The following SCAI variants were observed in gnomAD, a reference collection of about 807,000 sequenced individuals.
The protein encoded by SCAI is protein SCAI.
SCAI carries 24 observed loss-of-function variants against 92.2 expected under a neutral mutation model. That is an observed-to-expected ratio of 0.26 (90% CI 0.19 to 0.37). The LOEUF is 0.37. Among genes scored for constraint, SCAI ranks in the 10% least tolerant of loss-of-function variants. SCAI has a pLI of 1.00. For synonymous variants in SCAI, 261 were observed against 258.6 expected (o/e 1.01, Z -0.09); for missense variants, 450 against 736.2 (o/e 0.61, Z 4.50).
At chr9:124,987,412 G>A (rs1790966508) in intron 14 of SCAI, among the ~76,000 whole-genome samples, 1 of 152,042 alleles carries the variant, frequency 6.6e-6, no homozygotes, top group Non-Finnish European at 1.5e-5. Context: ...TGCCCCTACT[G>A]GCAATCTAAG....
chr9:125,098,777 G>A (rs1011328404), intron 2 of SCAI, among the ~76,000 whole-genome samples: 3 of 152,196 alleles, frequency 2.0e-5, no homozygotes, highest in East Asian at 1.9e-4. Flanking sequence ...CAGTCTGTCT[G>A]AGGTAACAGC....
In SCAI at chr9:124,952,593, A is replaced by C; in HGVS notation, c.*214T>G. On this transcript the variant is annotated 3_prime_UTR_variant, in exon 18 of 18. Coordinates refer to ENST00000336505, the MANE Select transcript of SCAI (RefSeq NM_001144877.3). Reference sequence around the variant, plus strand: ...CATCCCTCAAAATCAAAAAATAAAAATTCCAAGGTTAAGATTTTAAAAGAC... The same window carrying C: ...CATCCCTCAAAATCAAAAAATAAAACTTCCAAGGTTAAGATTTTAAAAGAC... The C allele has an allele frequency of 2.3e-6, 1 of 433,366 alleles. No individual in the cohort carries two copies. The highest frequency in any genetic ancestry group is 4.7e-5 in the South Asian group (1 of 21,218). 26.8% of individuals were successfully genotyped at this position (433,366 alleles called of 1,614,324 possible).
chr9:125,032,955 G>T (rs1404062955), intron 3 of SCAI, among the ~76,000 whole-genome samples: 2 of 152,056 alleles, frequency 1.3e-5, no homozygotes, highest in East Asian at 3.9e-4. Flanking sequence ...AATTATGAAG[G>T]CCATATAAAG....
chr9:125,057,989 C>T (rs937122345), intron 2 of SCAI, among the ~76,000 whole-genome samples: 1 of 151,966 alleles, frequency 6.6e-6, no homozygotes, highest in Non-Finnish European at 1.5e-5. Flanking sequence ...ACCTCAGATA[C>T]TCAGGAGGCT....
chr9:125,086,738 C>T (rs1039283521), intron 2 of SCAI, among the ~76,000 whole-genome samples: 36 of 152,148 alleles, frequency 2.4e-4, no homozygotes, highest in Non-Finnish European at 4.4e-5. Flanking sequence ...TGGGTAAGAG[C>T]ACTGGTGTCA....
chr9:125,119,189 A>C (rs1273330734), intron 2 of SCAI, among the ~76,000 whole-genome samples: 1 of 152,174 alleles, frequency 6.6e-6, no homozygotes, highest in Non-Finnish European at 1.5e-5. Context: ...TGAACAGCCA[A>C]TATTTTGTGG....
At chr9:125,054,406 T>A (rs546814314) in intron 3 of SCAI, among the ~76,000 whole-genome samples, 1 of 152,300 alleles carries the variant, frequency 6.6e-6, no homozygotes, top group Admixed American at 6.5e-5. Context: ...TTTGTTTTTT[T>A]ATAATTTCCT....
intron 2 of SCAI, among the ~76,000 whole-genome samples, chr9:125,131,724 T>C (rs1588251348): frequency 1.3e-5 from 2 of 152,208 alleles, no homozygotes; most frequent in East Asian, 3.8e-4. Context: ...TCACTGACCA[T>C]GCTACAAGAA....
chr9:124,974,053 G>T (rs1042148025), intron 15 of SCAI: 1 of 251,466 alleles, frequency 4.0e-6, no homozygotes, highest in African/African-American at 2.3e-5. Flanking sequence ...GCATCCTCTT[G>T]TGAATCACTT....
rs759209143 is a variant in SCAI, at chr9:125,131,767, C to T, written c.98+10866G>A. On this transcript the variant is annotated intron_variant, in intron 2 of 17. Transcript: ENST00000336505. Reference sequence around the variant, plus strand: ...TACCAAAACCACTGCATTTGCTGTACGGATGTTGCTGAGGCAAACCTACCA... The same window carrying T: ...TACCAAAACCACTGCATTTGCTGTATGGATGTTGCTGAGGCAAACCTACCA... Among the ~76,000 whole-genome samples the T allele has an allele frequency of 3.3e-5, 5 of 152,266 alleles. 1 individual carries two copies. Among genetic ancestry groups the T allele is most frequent in the South Asian group, 2.1e-4 (1 of 4,820 alleles).
At chr9:125,082,922 G>A (rs1451360879) in intron 2 of SCAI, among the ~76,000 whole-genome samples, 1 of 152,206 alleles carries the variant, frequency 6.6e-6, no homozygotes, top group African/African-American at 2.4e-5. Flanking sequence ...TTGGACTTTT[G>A]AGTTAATGCT....
At chr9:124,975,596 A>G (rs1481644305) in intron 15 of SCAI, among the ~76,000 whole-genome samples, 1 of 152,232 alleles carries the variant, frequency 6.6e-6, no homozygotes, top group Non-Finnish European at 1.5e-5. Context: ...TCTCTGGCAG[A>G]CTTAGAAGAG....
rs944276995 is a variant in SCAI at position 124,947,591 on chromosome 9, C to T, written c.*5216G>A. On this transcript the variant is annotated 3_prime_UTR_variant, in exon 18 of 18. Transcript: ENST00000336505. ...ATTCAGCCCACAATGGGTATGGGTACATAATATACACATACTGTATCACTG... is the reference window on the plus strand; with the variant it reads ...ATTCAGCCCACAATGGGTATGGGTATATAATATACACATACTGTATCACTG... 6.6e-6 allele frequency: 1 copy of T among 152,056 alleles called. No individual in the cohort carries two copies. Among genetic ancestry groups the T allele is most frequent in the Non-Finnish European group, 1.5e-5 (1 of 68,024 alleles). 9.4% of individuals were successfully genotyped at this position (152,056 alleles called of 1,614,324 possible). A position where few individuals can be genotyped will look rare whatever the true frequency, so the allele number is the denominator to read the frequency against.
rs1374879277 is a variant in SCAI at position 124,952,848 on chromosome 9, C to T, written c.1780G>A (p.Val594Ile). Residue 594 changes from valine (V) to isoleucine (I), a missense_variant, in exon 18 of 18, where the codon GTT becomes ATT. This residue lies in a region of SCAI where 360 missense variants were observed against 601.8 expected (regional missense o/e 0.60). Coordinates refer to ENST00000336505, the MANE Select transcript of SCAI (RefSeq NM_001144877.3). Reference protein sequence around the residue: ...HILELASILDVRNVFFENTID... With the variant: ...HILELASILDIRNVFFENTID... The stretch of plus-strand genomic sequence containing the variant: ...GTATTCTCAAAGAACACGTTTCGAA[C>T]ATCCAGAATGGATGCTAATTCCAAA... The T allele has an allele frequency of 3.7e-6, 6 of 1,613,634 alleles. No individual in the cohort carries two copies. The highest frequency in any genetic ancestry group is 5.1e-6 in the Non-Finnish European group (6 of 1,179,632).
chr9:125,056,414 C>G (rs1394104667), intron 2 of SCAI, among the ~76,000 whole-genome samples: 2 of 151,892 alleles, frequency 1.3e-5, no homozygotes, highest in African/African-American at 4.8e-5. Context: ...TGCAGTGAGC[C>G]GAGACGTGCC....
chr9:125,048,714 ATATT>A (rs10572043), intron 3 of SCAI, among the ~76,000 whole-genome samples: 147,454 of 150,738 alleles, frequency 0.98, 72,193 homozygotes, highest in East Asian at 1. Flanking sequence ...TACTGGGAGC[ATATT>A]TATTTATTTA....
chr9:125,027,600 A>C (rs1832988647), intron 5 of SCAI, among the ~76,000 whole-genome samples: 1 of 152,010 alleles, frequency 6.6e-6, no homozygotes, highest in Non-Finnish European at 1.5e-5. Context: ...GGCTCACTGC[A>C]ACCTCTGCCT....
intron 17 of SCAI, among the ~76,000 whole-genome samples, chr9:124,954,764 G>A (rs1036153470): frequency 1.3e-5 from 2 of 151,692 alleles, no homozygotes; most frequent in African/African-American, 2.4e-5. Context: ...TCCCCCATTC[G>A]CCCCAGTCCC....
At chr9:124,952,984 T>C (rs1391635978) in intron 17 of SCAI, 31 bp from the exon 18 acceptor site, 1 of 1,606,308 alleles carries the variant, frequency 6.2e-7, no homozygotes, top group Non-Finnish European at 8.5e-7. Flanking sequence ...AAGTCAAGTT[T>C]TGTAGTCTAA....
Sources: allele counts gnomAD v4.1 joint callset (sites outside exome capture counted in the v4.1 genomes callset), GRCh38; gene constraint gnomAD v4.1.1; regional missense constraint gnomAD v4.1.1; transcripts MANE v1.5; gene names NCBI Gene and HGNC (gene_info 2026-07-23, HGNC 2026-07-21).